Variants in CDIN1 observed in about 807,000 individuals in gnomAD.
CDIN1 encodes CDAN1-interacting nuclease 1.
CDIN1 carries 33 observed loss-of-function variants against 45.3 expected under a neutral mutation model. That is an observed-to-expected ratio of 0.73 (90% CI 0.55 to 0.97). CDIN1 has a LOEUF of 0.97. Among genes scored for constraint, CDIN1 ranks in the 50% least tolerant of loss-of-function variants. The pLI, the probability that CDIN1 is intolerant of heterozygous loss-of-function variation, is 0.00. For missense variants in CDIN1, 303 were observed against 339.4 expected (o/e 0.89, Z 0.84); for synonymous variants, 118 against 124.4 (o/e 0.95, Z 0.34).
At chr15:36,674,067 A>G (rs1338117207) in intron 5 of CDIN1, among the ~76,000 whole-genome samples, 1 of 152,112 alleles carries the variant, frequency 6.6e-6, no homozygotes, top group Non-Finnish European at 1.5e-5. Context: ...TAACCTTACC[A>G]TGATCTGGCC....
rs909971293 is a variant in CDIN1 at position 36,703,257 on chromosome 15, G to GAT, written c.544+5876_544+5877dup. 1.2e-4 allele frequency among the ~76,000 whole-genome samples: 9 copies of GAT among 72,204 alleles called. 2 individuals are homozygous for GAT. The highest frequency in any genetic ancestry group is 3.1e-4 in the Admixed American group (2 of 6,556). 47.4% of individuals were successfully genotyped at this position (72,204 alleles called of 152,430 possible). ...ATCAGATATATATATATCAGAAAGG[G>GAT]ATATATATATCTGATAGATCTATCA... is the stretch of plus-strand genomic sequence containing the variant. On this transcript the variant is annotated intron_variant, in intron 8 of 10. Coordinates refer to ENST00000566621, the MANE Select transcript of CDIN1 (RefSeq NM_001321759.2).
chr15:36,706,686 C>G (rs891517287), intron 8 of CDIN1: 7 of 151,814 alleles, frequency 4.6e-5, no homozygotes, highest in Non-Finnish European at 2.9e-5. Context: ...GAGATGCTGT[C>G]TTTTTTACAA....
At chr15:36,643,656 A>G (rs950777665) in intron 1 of CDIN1, among the ~76,000 whole-genome samples, 3 of 152,172 alleles carry the variant, frequency 2.0e-5, no homozygotes, top group African/African-American at 7.2e-5. Context: ...GGTGTTTGAC[A>G]TTGTGTGTTG....
intron 1 of CDIN1, among the ~76,000 whole-genome samples, chr15:36,623,575 C>A (rs2039296104): frequency 6.6e-6 from 1 of 152,122 alleles, no homozygotes; most frequent in African/African-American, 2.4e-5. Flanking sequence ...GTTGTTGACG[C>A]CATGGGGCAG....
At chr15:36,687,319 G>A (rs557792565) in intron 5 of CDIN1, among the ~76,000 whole-genome samples, 72 of 152,028 alleles carry the variant, frequency 4.7e-4, no homozygotes, top group Non-Finnish European at 8.7e-4. Context: ...TGAATCACTC[G>A]TAAGACATAA....
intron 5 of CDIN1, among the ~76,000 whole-genome samples, chr15:36,668,540 C>A (rs1280925023): frequency 6.6e-6 from 1 of 152,080 alleles, no homozygotes; most frequent in Non-Finnish European, 1.5e-5. Flanking sequence ...TGCCTGAATG[C>A]ACAAATGAAC....
chr15:36,739,881 T>C (rs1000456805), intron 10 of CDIN1, among the ~76,000 whole-genome samples: 18 of 152,230 alleles, frequency 1.2e-4, no homozygotes, highest in Admixed American at 3.9e-4. Flanking sequence ...AAAATTAGTA[T>C]TCTGAATGAA....
intron 10 of CDIN1, among the ~76,000 whole-genome samples, chr15:36,735,170 A>G (rs2043972703): frequency 6.6e-6 from 1 of 152,196 alleles, no homozygotes; most frequent in Admixed American, 6.5e-5. Flanking sequence ...TAATGAGTAT[A>G]TGATTTGCAT....
chr15:36,708,955 A>G, intron 8 of CDIN1: 1 of 285,762 alleles, frequency 3.5e-6, no homozygotes. Flanking sequence ...TTCAATTACA[A>G]AAAAGGTAGT....
intron 10 of CDIN1, among the ~76,000 whole-genome samples, chr15:36,749,884 G>A (rs1415307753): frequency 6.6e-6 from 1 of 152,200 alleles, no homozygotes; most frequent in Non-Finnish European, 1.5e-5. Context: ...CTGGGAGGTG[G>A]GAGACAGGGC....
At chr15:36,657,524 A>G (rs2040826002) in intron 4 of CDIN1, among the ~76,000 whole-genome samples, 1 of 152,168 alleles carries the variant, frequency 6.6e-6, no homozygotes, top group Non-Finnish European at 1.5e-5. Flanking sequence ...CTACCAACAG[A>G]AAAAATTGAG....
At chr15:36,619,552 T>C (rs2140305582) in intron 1 of CDIN1, among the ~76,000 whole-genome samples, 1 of 152,186 alleles carries the variant, frequency 6.6e-6, no homozygotes, top group Non-Finnish European at 1.5e-5. Flanking sequence ...AAGTGTATTT[T>C]TTCTATTTTT....
chr15:36,619,643 A>C (rs943198454), intron 1 of CDIN1, among the ~76,000 whole-genome samples: 2 of 152,102 alleles, frequency 1.3e-5, no homozygotes, highest in Non-Finnish European at 2.9e-5. Flanking sequence ...AAAAAAAAAA[A>C]CAACATTATA....
intron 10 of CDIN1, among the ~76,000 whole-genome samples, chr15:36,774,189 G>A (rs1325310689): frequency 6.9e-6 from 1 of 145,194 alleles, no homozygotes; most frequent in East Asian, 2.0e-4. Context: ...CATGAGGGGA[G>A]ACACAATCAT....
chr15:36,660,394 C>A (rs895882182), intron 5 of CDIN1, among the ~76,000 whole-genome samples: 3 of 152,044 alleles, frequency 2.0e-5, no homozygotes, highest in African/African-American at 7.3e-5. Flanking sequence ...AAATCCTATT[C>A]TTTTGGGGGT....
chr15:36,660,908 T>C (rs1181435353), intron 5 of CDIN1, among the ~76,000 whole-genome samples: 1 of 152,218 alleles, frequency 6.6e-6, no homozygotes, highest in Non-Finnish European at 1.5e-5. Context: ...TGAATTATTT[T>C]TCTTCCTCCC....
At chr15:36,750,099 TGTG>T (rs976191488) in intron 10 of CDIN1, among the ~76,000 whole-genome samples, 1 of 151,814 alleles carries the variant, frequency 6.6e-6, no homozygotes, top group Non-Finnish European at 1.5e-5. Context: ...GCGGTGGTGG[TGTG>T]GTGGGGGCAC....
chr15:36,746,986 C>T (rs1439357190), intron 10 of CDIN1: 2 of 397,974 alleles, frequency 5.0e-6, no homozygotes, highest in African/African-American at 2.1e-5. Context: ...CTGGGCTCAG[C>T]GATTCTTCTG....
At chr15:36,583,558 C>T (rs1354147694) in intron 1 of CDIN1, among the ~76,000 whole-genome samples, 1 of 152,154 alleles carries the variant, frequency 6.6e-6, no homozygotes, top group Non-Finnish European at 1.5e-5. Context: ...ACAGTTTTAC[C>T]ATACAGTAAG....
Sources: gnomAD v4.1 joint callset for allele counts (sites outside exome capture counted in the v4.1 genomes callset) on GRCh38, gnomAD v4.1.1 for gene constraint, MANE v1.5 for transcripts, NCBI Gene and HGNC (gene_info 2026-07-23, HGNC 2026-07-21) for gene names.